Variants in NTF4 observed in about 807,000 individuals in gnomAD.
The protein encoded by NTF4 is neurotrophin 4.
Under a neutral mutation model 4.4 loss-of-function variants are expected in NTF4, and 2 were observed. That is an observed-to-expected ratio of 0.46 (90% CI 0.19 to 1.44). The LOEUF (loss-of-function observed/expected upper bound fraction) is 1.44. NTF4 is among the 40% of genes most tolerant of loss of function. NTF4 has a pLI of 0.26. For synonymous variants in NTF4, 127 were observed against 122.0 expected, an observed-to-expected ratio of 1.04 and a Z score of -0.27; for missense variants, 260 against 293.0, an observed-to-expected ratio of 0.89 and a Z score of 0.82.
Position 49,061,607 on chromosome 19 carries a change from G to A in NTF4, c.391C>T (p.Pro131Ser), listed in dbSNP as rs757515516. 11 of 1,613,838 alleles carry A rather than the reference G, an allele frequency of 6.8e-6. No homozygotes were observed. Among genetic ancestry groups the A allele is most frequent in the East Asian group, 2.2e-5 (1 of 44,884 alleles). ...GTTTCAAAGAAGTACTGGCGGAGGG[G>A]ACTGCCGCCAGCTGCAGGCACCTCG... is the stretch of plus-strand genomic sequence containing the variant. The change falls in exon 1 of 1, where the codon CCC (proline) becomes TCC (serine). Residue 131 changes from proline (P) to serine (S), a missense_variant. Transcript: ENST00000593537. This position sits in a 1 kb window ranked among gnomAD's most constrained non-coding sequence, Gnocchi z 4.9.
chr19:49,061,134 C>A lies in NTF4; in HGVS notation c.*231G>T. 2.9e-6 allele frequency: 2 copies of A among 678,980 alleles called. No homozygotes were observed. The highest frequency in any genetic ancestry group is 2.8e-5 in the East Asian group (1 of 35,520). 42.1% of individuals were successfully genotyped at this position (678,980 alleles called of 1,614,324 possible). ...ACAGTAAACACTCAGTAAATAGTGG[C>A]TATTATTATTATATCATCATCATTA... On this transcript the variant is annotated 3_prime_UTR_variant, in exon 1 of 1. Coordinates refer to ENST00000593537, the Ensembl canonical transcript of NTF4. This position sits in a 1 kb window ranked among gnomAD's most constrained non-coding sequence, Gnocchi z 4.9.
chr19:49,061,427 G>T lies in NTF4; in HGVS notation c.571C>A (p.Arg191=). 6.2e-7 allele frequency: 1 copy of T among 1,613,854 alleles called. No individual in the cohort carries two copies. The highest frequency in any genetic ancestry group is 8.5e-7 in the Non-Finnish European group (1 of 1,179,992). Reference sequence around the variant, plus strand: ...CAGGCAGTGTCAATTCGAATCCATCGCCAGCCCACACGGCCCTGGGCATCA... The same window carrying T: ...CAGGCAGTGTCAATTCGAATCCATCTCCAGCCCACACGGCCCTGGGCATCA... Residue 191 remains arginine (R), a synonymous_variant, in exon 1 of 1, where the codon CGA becomes AGA. Coordinates refer to ENST00000593537, the Ensembl canonical transcript of NTF4. This position sits in a 1 kb window ranked among gnomAD's most constrained non-coding sequence, Gnocchi z 4.9.
At chr19:49,063,221 G>C (rs2040174377), upstream of NTF4, among the ~76,000 whole-genome samples, 1 of 151,954 alleles carries the variant, frequency 6.6e-6, no homozygotes, top group Non-Finnish European at 1.5e-5. Context: ...TGGCCAGACT[G>C]GTCTTGAACT....
chr19:49,058,539 C>T, downstream of NTF4: 1 of 511,624 alleles, frequency 2.0e-6, no homozygotes, highest in Non-Finnish European at 3.4e-6. Context: ...TCCAAGCTCC[C>T]AATCCCCTTT....
upstream of NTF4, chr19:49,063,988 T>G (rs981950311): frequency 3.9e-5 from 6 of 152,690 alleles, no homozygotes; most frequent in Non-Finnish European, 8.8e-5. Flanking sequence ...CCGCCCCCTT[T>G]CCAGAGGCCC....
chr19:49,062,256 G>C (rs2040161933), upstream of NTF4, among the ~76,000 whole-genome samples: 1 of 152,236 alleles, frequency 6.6e-6, no homozygotes. Flanking sequence ...GGGAGGCTGA[G>C]GCAGGTGGAT....
upstream of NTF4, chr19:49,063,823 C>T (rs1396768760): frequency 6.6e-6 from 1 of 152,162 alleles, no homozygotes; most frequent in East Asian, 1.9e-4. Context: ...CAGGTGGCCC[C>T]CTCCTTCCTG....
chr19:49,058,284 G>T, downstream of NTF4: 1 of 1,521,288 alleles, frequency 6.6e-7, no homozygotes, highest in Non-Finnish European at 8.8e-7. Context: ...TGAGGACCTC[G>T]TCGAAAGCCC....
chr19:49,060,064 A>AAAAAAAAAAAAAC (rs2040114749), downstream of NTF4, among the ~76,000 whole-genome samples: 1 of 147,336 alleles, frequency 6.8e-6, no homozygotes, highest in Non-Finnish European at 1.5e-5. Context: ...AAAAAAAAAA[A>AAAAAAAAAAAAAC]AAAAAGCTTT....
At position 49,061,191 on chromosome 19, in the gene NTF4, T is replaced by G; in HGVS notation, c.*174A>C. On this transcript the variant is annotated 3_prime_UTR_variant, in exon 1 of 1. Transcript: ENST00000593537. This position sits in a 1 kb window ranked among gnomAD's most constrained non-coding sequence, Gnocchi z 4.9. ...TCAAGTTGCTCCAGGAGAACTCCTA[T>G]TCAACCTCCAAAACCCCATGTGGTT... is the stretch of plus-strand genomic sequence containing the variant. The G allele has an allele frequency of 7.7e-7, 1 of 1,303,770 alleles. No homozygotes were observed. The highest frequency in any genetic ancestry group is 1.0e-6 in the Non-Finnish European group (1 of 962,256). 80.8% of individuals were successfully genotyped at this position (1,303,770 alleles called of 1,614,324 possible). A position where few individuals can be genotyped will look rare whatever the true frequency, so the allele number is the denominator to read the frequency against.
upstream of NTF4, among the ~76,000 whole-genome samples, chr19:49,063,379 A>C (rs1421869487): frequency 1.4e-5 from 2 of 146,218 alleles, no homozygotes; most frequent in African/African-American, 5.1e-5. Flanking sequence ...GTGCAGTGGC[A>C]CGATCTTGGC....
chr19:49,059,144 G>A (rs1417823969), downstream of NTF4, among the ~76,000 whole-genome samples: 1 of 152,076 alleles, frequency 6.6e-6, no homozygotes, highest in Non-Finnish European at 1.5e-5. Flanking sequence ...TTTGCTCCAG[G>A]GTCCAGAACC....
chr19:49,063,514 T>C (rs1488019764), upstream of NTF4, among the ~76,000 whole-genome samples: 1 of 152,030 alleles, frequency 6.6e-6, no homozygotes, highest in African/African-American at 2.4e-5. Flanking sequence ...GGTCACAACC[T>C]GGAATCCTAG....
downstream of NTF4, among the ~76,000 whole-genome samples, chr19:49,059,883 A>G (rs1395564429): frequency 6.6e-6 from 1 of 151,702 alleles, no homozygotes; most frequent in Non-Finnish European, 1.5e-5. Context: ...CCCTGTCTCT[A>G]CCAAAAAATA....
chr19:49,059,789 C>T (rs373533790), downstream of NTF4, among the ~76,000 whole-genome samples: 3 of 152,038 alleles, frequency 2.0e-5, no homozygotes, highest in South Asian at 4.2e-4. Context: ...GGCTCATGCC[C>T]GTAATCCCAG....
chr19:49,059,894 C>T (rs911302666), downstream of NTF4, among the ~76,000 whole-genome samples: 2 of 151,726 alleles, frequency 1.3e-5, no homozygotes, highest in African/African-American at 4.8e-5. Context: ...CCAAAAAATA[C>T]AAAAAGTAGC....
At position 49,061,192 on chromosome 19, in the gene NTF4, T is replaced by G; in HGVS notation, c.*173A>C. On this transcript the variant is annotated 3_prime_UTR_variant, in exon 1 of 1. Coordinates refer to ENST00000593537, the Ensembl canonical transcript of NTF4. The surrounding 1 kb of genome is among the most constrained non-coding windows in gnomAD (Gnocchi z 4.9). Reference sequence around the variant, plus strand: ...CAAGTTGCTCCAGGAGAACTCCTATTCAACCTCCAAAACCCCATGTGGTTT... The same window carrying G: ...CAAGTTGCTCCAGGAGAACTCCTATGCAACCTCCAAAACCCCATGTGGTTT... The G allele has an allele frequency of 7.6e-7, 1 of 1,318,240 alleles. No homozygotes were observed. 81.7% of individuals were successfully genotyped at this position (1,318,240 alleles called of 1,614,324 possible).
At chr19:49,064,588 C>T, upstream of NTF4, 1 of 155,530 alleles carries the variant, frequency 6.4e-6, no homozygotes, top group Non-Finnish European at 1.4e-5. Flanking sequence ...GAGTCCAGGT[C>T]CCCAGCGCCC....
At chr19:49,063,035 C>T (rs1477090176), upstream of NTF4, among the ~76,000 whole-genome samples, 2 of 151,630 alleles carry the variant, frequency 1.3e-5, no homozygotes, top group Non-Finnish European at 2.9e-5. Context: ...GAGACAGAAT[C>T]TCACTCTGTT....
Sources: gnomAD v4.1 joint callset for allele counts (sites outside exome capture counted in the v4.1 genomes callset) on GRCh38, gnomAD v4.1.1 for gene constraint, Gnocchi (gnomAD v3.1) non-coding constraint, MANE v1.5 for transcripts, NCBI Gene and HGNC (gene_info 2026-07-23, HGNC 2026-07-21) for gene names.